The following OPCML variants were observed in gnomAD, a reference collection of about 807,000 sequenced individuals.
OPCML encodes opioid-binding protein/cell adhesion molecule.
OPCML carries 13 observed loss-of-function variants against 37.8 expected under a neutral mutation model. The observed-to-expected ratio is 0.34, with a 90% confidence interval of 0.22 to 0.55. The LOEUF (loss-of-function observed/expected upper bound fraction) is 0.55. Among genes scored for constraint, OPCML ranks in the 20% least tolerant of loss-of-function variants. OPCML has a pLI of 0.91. For missense variants in OPCML, 341 were observed against 435.6 expected (o/e 0.78, Z 1.93); for synonymous variants, 176 against 168.8 (o/e 1.04, Z -0.33).
At chr11:132,480,956 A>G (rs560855297) in intron 4 of OPCML, among the ~76,000 whole-genome samples, 32 of 152,202 alleles carry the variant, frequency 2.1e-4, no homozygotes, top group Non-Finnish European at 3.1e-4. Flanking sequence ...AAGAAACTGC[A>G]TGAAATAATG....
chr11:132,969,213 C>T (rs887254045), intron 1 of OPCML, among the ~76,000 whole-genome samples: 2 of 150,334 alleles, frequency 1.3e-5, no homozygotes, highest in Non-Finnish European at 3.0e-5. Context: ...TTTTGATTGA[C>T]TCTTTTAAAA....
At chr11:133,107,621 C>A (rs1269462334) in intron 1 of OPCML, among the ~76,000 whole-genome samples, 1 of 152,210 alleles carries the variant, frequency 6.6e-6, no homozygotes, top group Non-Finnish European at 1.5e-5. Flanking sequence ...ACCTTTCCCT[C>A]TTCATAGTCA....
At chr11:132,819,176 A>G (rs952948613) in intron 2 of OPCML, among the ~76,000 whole-genome samples, 3 of 152,058 alleles carry the variant, frequency 2.0e-5, no homozygotes, top group Admixed American at 1.3e-4. Flanking sequence ...GAGAAAAATA[A>G]TATCTGTAGC....
intron 2 of OPCML, chr11:132,772,962 G>A (rs1385192884): frequency 1.3e-5 from 2 of 152,244 alleles, no homozygotes; most frequent in Non-Finnish European, 2.9e-5. Flanking sequence ...CCTGGTAATA[G>A]AGCTGTTGTT....
At chr11:133,090,144 A>G (rs905785811) in intron 1 of OPCML, among the ~76,000 whole-genome samples, 4 of 152,046 alleles carry the variant, frequency 2.6e-5, no homozygotes, top group Admixed American at 2.6e-4. Context: ...CTCCGCCCTT[A>G]CTACTTAGAC....
intron 3 of OPCML, among the ~76,000 whole-genome samples, chr11:132,641,884 C>T (rs974432787): frequency 2.6e-5 from 4 of 152,134 alleles, no homozygotes; most frequent in Admixed American, 2.6e-4. Flanking sequence ...TAGCCGTGGC[C>T]AGTGCTCAGG....
intron 2 of OPCML, among the ~76,000 whole-genome samples, chr11:132,862,933 G>T (rs1222931683): frequency 6.6e-6 from 1 of 152,112 alleles, no homozygotes; most frequent in Admixed American, 6.5e-5. Context: ...ACCTTATCTG[G>T]CATGGTTACA....
intron 2 of OPCML, among the ~76,000 whole-genome samples, chr11:132,862,495 A>G (rs1027876913): frequency 6.6e-6 from 1 of 152,006 alleles, no homozygotes; most frequent in Non-Finnish European, 1.5e-5. Context: ...AAAAAAAAAA[A>G]AAACTCTGAG....
intron 1 of OPCML, among the ~76,000 whole-genome samples, chr11:133,426,058 T>C (rs1945996010): frequency 2.0e-5 from 3 of 152,188 alleles, no homozygotes; most frequent in Admixed American, 2.0e-4. Flanking sequence ...AGTTCACACC[T>C]TTGTACTTAT....
In OPCML at chr11:133,081,286, G is replaced by A. The variant is rs10791276; in HGVS notation, c.62-138276C>T. On this transcript the variant is annotated intron_variant, in intron 1 of 7. Transcript: ENST00000524381. ...CCGTTTCCTTTGGGATGTCAGCCCCGTTGGTACCACCTAGCAGACATCTCT... is the reference window on the plus strand; with the variant it reads ...CCGTTTCCTTTGGGATGTCAGCCCCATTGGTACCACCTAGCAGACATCTCT... Among the ~76,000 whole-genome samples the A allele has an allele frequency of 8.5e-4, 129 of 152,016 alleles. 6 individuals carry two copies. In the South Asian group the frequency reaches 0.026, roughly 31 times the overall value.
intron 1 of OPCML, among the ~76,000 whole-genome samples, chr11:132,995,884 C>A (rs1036024737): frequency 6.6e-5 from 10 of 152,154 alleles, no homozygotes; most frequent in African/African-American, 9.6e-5. Flanking sequence ...CTCTGCGAGG[C>A]AGGAATTAGT....
intron 1 of OPCML, among the ~76,000 whole-genome samples, chr11:133,040,687 G>A (rs990881208): frequency 3.3e-5 from 5 of 152,090 alleles, no homozygotes; most frequent in South Asian, 2.1e-4. Context: ...CTACAGGAGA[G>A]GGGCCTCTTG....
intron 2 of OPCML, among the ~76,000 whole-genome samples, chr11:132,708,165 A>G (rs1472364552): frequency 6.6e-6 from 1 of 152,168 alleles, no homozygotes; most frequent in Non-Finnish European, 1.5e-5. Flanking sequence ...GTATTTGTGT[A>G]AGAAGTACTA....
chr11:132,992,404 G>A (rs770520074), intron 1 of OPCML, among the ~76,000 whole-genome samples: 1 of 152,056 alleles, frequency 6.6e-6, no homozygotes, highest in Non-Finnish European at 1.5e-5. Flanking sequence ...AATAATATCT[G>A]TCTCCATTTT....
intron 1 of OPCML, among the ~76,000 whole-genome samples, chr11:133,102,588 A>C (rs1167415734): frequency 6.6e-6 from 1 of 152,088 alleles, no homozygotes; most frequent in Non-Finnish European, 1.5e-5. Context: ...TCTACTAAAA[A>C]ATACAAAAAA....
At chr11:133,240,900 A>G (rs887348088) in intron 1 of OPCML, among the ~76,000 whole-genome samples, 2 of 152,214 alleles carry the variant, frequency 1.3e-5, no homozygotes, top group African/African-American at 4.8e-5. Context: ...GCATCTTTTT[A>G]CCTTTCCTCC....
At chr11:132,980,195 G>T (rs1946553061) in intron 1 of OPCML, among the ~76,000 whole-genome samples, 1 of 152,170 alleles carries the variant, frequency 6.6e-6, no homozygotes, top group Non-Finnish European at 1.5e-5. Context: ...ATGAGTAGAT[G>T]GGGTATTTCC....
chr11:132,631,699 A>T (rs1380561203), intron 3 of OPCML, among the ~76,000 whole-genome samples: 1 of 151,962 alleles, frequency 6.6e-6, no homozygotes, highest in East Asian at 1.9e-4. Context: ...TAGTTTAACA[A>T]GAAAAATATA....
rs76807207 is a variant in OPCML, at chr11:133,403,191, T to G, written c.61+129073A>C. Among the ~76,000 whole-genome samples the G allele has an allele frequency of 7.2e-3, 1,091 of 152,278 alleles. 12 individuals carry two copies. The highest frequency in any genetic ancestry group is 0.025 in the African/African-American group (1,021 of 41,550). On this transcript the variant is annotated intron_variant, in intron 1 of 7. Coordinates refer to ENST00000524381, the MANE Select transcript of OPCML (RefSeq NM_001012393.5). ...ATGTGTAAATCTCACTAAGCCTGTC[T>G]TATCATTAGTGACATGGACTTACCT...
Sources: gnomAD v4.1 joint callset for allele counts (sites outside exome capture counted in the v4.1 genomes callset) on GRCh38, gnomAD v4.1.1 for gene constraint, MANE v1.5 for transcripts, NCBI Gene and HGNC (gene_info 2026-07-23, HGNC 2026-07-21) for gene names.